MVB12B: variants seen among roughly 807,000 people sequenced by gnomAD.
The protein encoded by MVB12B is ESCRT-I complex subunit MVB12B.
In MVB12B, 16 loss-of-function variants were observed where a neutral mutation model predicts 41.6. The observed-to-expected ratio is 0.38, with a 90% CI of 0.26 to 0.58. The LOEUF (loss-of-function observed/expected upper bound fraction) is 0.58. Ranked by LOEUF, MVB12B falls within the 20% of genes least tolerant of loss-of-function variation. MVB12B has a pLI of 0.62. For synonymous variants in MVB12B, 133 were observed against 139.7 expected (o/e 0.95, Z 0.34); for missense variants, 274 against 380.2 (o/e 0.72, Z 2.32).
intron 2 of MVB12B, among the ~76,000 whole-genome samples, chr9:126,343,458 C>T (rs773256934): frequency 5.9e-5 from 9 of 152,202 alleles, no homozygotes; most frequent in Admixed American, 3.3e-4. Context: ...GAAGCACTTC[C>T]GGCTACAGTG....
chr9:126,424,886 A>G (rs906900108), intron 7 of MVB12B, among the ~76,000 whole-genome samples: 1 of 152,234 alleles, frequency 6.6e-6, no homozygotes, highest in Non-Finnish European at 1.5e-5. Context: ...CCACAAGGAT[A>G]AGCACCGCCA....
At chr9:126,451,918 T>A (rs1832895903) in intron 7 of MVB12B, among the ~76,000 whole-genome samples, 1 of 152,170 alleles carries the variant, frequency 6.6e-6, no homozygotes, top group South Asian at 2.1e-4. Flanking sequence ...GTAAATTTCA[T>A]GCAGGTTGTC....
At chr9:126,399,004 C>T (rs1202572563) in intron 6 of MVB12B, among the ~76,000 whole-genome samples, 1 of 152,222 alleles carries the variant, frequency 6.6e-6, no homozygotes, top group Non-Finnish European at 1.5e-5. Context: ...CCTTCTCTGT[C>T]CAAAAGCAGG....
At chr9:126,370,753 T>C (rs1164382710) in intron 2 of MVB12B, among the ~76,000 whole-genome samples, 1 of 152,154 alleles carries the variant, frequency 6.6e-6, no homozygotes, top group Non-Finnish European at 1.5e-5. Flanking sequence ...AGTCTAAGGC[T>C]TATCTTTTTA....
At chr9:126,363,409 A>G (rs1471173266) in intron 2 of MVB12B, among the ~76,000 whole-genome samples, 1 of 152,010 alleles carries the variant, frequency 6.6e-6, no homozygotes, top group Non-Finnish European at 1.5e-5. Flanking sequence ...AGAAGAATGT[A>G]AGAAGTGATC....
At chr9:126,365,059 T>G (rs1830131277) in intron 2 of MVB12B, among the ~76,000 whole-genome samples, 1 of 149,710 alleles carries the variant, frequency 6.7e-6, no homozygotes, top group Non-Finnish European at 1.5e-5. Flanking sequence ...GCCTGTTTTT[T>G]GGGATTTTTT....
intron 6 of MVB12B, among the ~76,000 whole-genome samples, chr9:126,408,628 C>T (rs1831520478): frequency 3.3e-5 from 5 of 152,034 alleles, no homozygotes; most frequent in Admixed American, 2.6e-4. Context: ...TCCTTTTCGG[C>T]TTCTCGGTGG....
intron 7 of MVB12B, among the ~76,000 whole-genome samples, chr9:126,462,398 C>T (rs193182293): frequency 7.9e-5 from 12 of 152,300 alleles, no homozygotes; most frequent in Admixed American, 6.5e-4. Context: ...TCCCTGGCAG[C>T]GGCCATTCCA....
At position 126,503,252 on chromosome 9, in the gene MVB12B, C is replaced by T; in HGVS notation, c.949C>T (p.Pro317Ser). ...PPSPTRCQQIPQS is the reference protein window; with the variant it reads ...PPSPTRCQQISQS ...CAGCCCCACCAGGTGTCAGCAGATCCCGCAGTCCTGAGGAGCCAGCGGCCA... is the reference window on the plus strand; with the variant it reads ...CAGCCCCACCAGGTGTCAGCAGATCTCGCAGTCCTGAGGAGCCAGCGGCCA... Residue 317 changes from proline to serine, a missense_variant, in exon 10 of 10, where the codon CCG becomes TCG. By Grantham distance (74) the Pro-to-Ser change is moderately conservative. Coordinates refer to ENST00000361171, the MANE Select transcript of MVB12B (RefSeq NM_033446.3). 1 of 1,550,286 alleles carries T rather than the reference C, an allele frequency of 6.5e-7. No homozygotes were observed. The highest frequency in any genetic ancestry group is 8.7e-7 in the Non-Finnish European group (1 of 1,146,834).
chr9:126,404,434 G>A lies in MVB12B; in HGVS notation c.662+8737G>A, dbSNP rs533243729. ...CTACTGTTAGTGTGCAGACTGTCACGAGGCCCCCAGCCGTGAAGCCTCTCA... is the reference window on the plus strand; with the variant it reads ...CTACTGTTAGTGTGCAGACTGTCACAAGGCCCCCAGCCGTGAAGCCTCTCA... On this transcript the variant is annotated intron_variant, in intron 6 of 9. Transcript: ENST00000361171. Among the ~76,000 whole-genome samples the A allele has an allele frequency of 3.9e-5, 6 of 152,306 alleles. No homozygotes were observed. The East Asian group carries it at 5.8e-4, about 15-fold the overall frequency.
chr9:126,396,477 C>G, intron 6 of MVB12B: 1 of 985,472 alleles, frequency 1.0e-6, no homozygotes, highest in Non-Finnish European at 1.2e-6. Flanking sequence ...AATGGATCTC[C>G]AAGCTTCCAC....
intron 6 of MVB12B, among the ~76,000 whole-genome samples, chr9:126,419,388 G>A (rs139606450): frequency 2.6e-5 from 4 of 152,312 alleles, no homozygotes; most frequent in African/African-American, 7.2e-5. Context: ...TTAATGCTCT[G>A]CTGTTGCCAT....
rs1030877360 is a variant in MVB12B, at chr9:126,359,851, T to G, written c.204+19221T>G. On this transcript the variant is annotated intron_variant, in intron 2 of 9. Transcript: ENST00000361171. ...TAGTTCTTTCCATTTTATTTTTGGT[T>G]ATAGTCTTAGTTTTATCAATTTAAT... is the stretch of plus-strand genomic sequence containing the variant. 4.6e-5 allele frequency among the ~76,000 whole-genome samples: 7 copies of G among 152,140 alleles called. 1 individual carries two copies. In the South Asian group the frequency reaches 1.2e-3, roughly 27 times the overall value.
intron 3 of MVB12B, 67 bp downstream of exon 3, chr9:126,381,238 C>T: frequency 6.1e-6 from 7 of 1,146,254 alleles, no homozygotes; most frequent in Non-Finnish European, 9.1e-6. Context: ...TTTGGAATTT[C>T]CTCATTTTGT....
At chr9:126,404,971 C>T (rs1366775214) in intron 6 of MVB12B, among the ~76,000 whole-genome samples, 2 of 152,066 alleles carry the variant, frequency 1.3e-5, no homozygotes, top group African/African-American at 2.4e-5. Context: ...GAATGCAGTT[C>T]GGTATTGTTA....
At chr9:126,357,621 A>T (rs1448548749) in intron 2 of MVB12B, among the ~76,000 whole-genome samples, 5 of 149,570 alleles carry the variant, frequency 3.3e-5, no homozygotes, top group Admixed American at 2.7e-4. Flanking sequence ...TTTTTTTGCC[A>T]TTAGTATAAC....
At chr9:126,458,193 C>T (rs113730560) in intron 7 of MVB12B, among the ~76,000 whole-genome samples, 596 of 152,266 alleles carry the variant, frequency 3.9e-3, no homozygotes, top group Admixed American at 7.0e-3. Flanking sequence ...ACACCTGGTT[C>T]TGTTACTCGC....
At chr9:126,409,265 G>A (rs1029368024) in intron 6 of MVB12B, among the ~76,000 whole-genome samples, 2 of 151,666 alleles carry the variant, frequency 1.3e-5, no homozygotes, top group Non-Finnish European at 2.9e-5. Context: ...GGGCCTTTGC[G>A]TGTTCTCTTT....
Position 126,391,918 on chromosome 9 carries a change from C to T in MVB12B, c.410-148C>T, listed in dbSNP as rs1235629323. 7.7e-6 allele frequency: 7 copies of T among 904,234 alleles called. No individual in the cohort carries two copies. The highest frequency in any genetic ancestry group is 4.9e-5 in the East Asian group (2 of 40,644). 56.0% of individuals were successfully genotyped at this position (904,234 alleles called of 1,614,324 possible). A position where few individuals can be genotyped will look rare whatever the true frequency, so the allele number is the denominator to read the frequency against. ...TGACTGCAGCCCCGGGGAAGGCAGGCGGCAGAGCGCAGCCCTTCTGTCCAG... is the reference window on the plus strand; with the variant it reads ...TGACTGCAGCCCCGGGGAAGGCAGGTGGCAGAGCGCAGCCCTTCTGTCCAG... On this transcript the variant is annotated intron_variant, in intron 4 of 9. Transcript: ENST00000361171. The surrounding 1 kb of genome is among the most constrained non-coding windows in gnomAD (Gnocchi z 4.4).
Sources: allele counts gnomAD v4.1 joint callset (sites outside exome capture counted in the v4.1 genomes callset), GRCh38; gene constraint gnomAD v4.1.1; non-coding constraint Gnocchi (gnomAD v3.1); transcripts MANE v1.5; gene names NCBI Gene and HGNC (gene_info 2026-07-23, HGNC 2026-07-21).